PCDH9: variants seen among roughly 807,000 people sequenced by gnomAD.
The protein encoded by PCDH9 is protocadherin 9.
Under a neutral mutation model 70.6 loss-of-function variants are expected in PCDH9, and 24 were observed. The observed-to-expected ratio is 0.34, with a 90% CI of 0.25 to 0.48. The LOEUF is 0.48. Among genes scored for constraint, PCDH9 ranks in the 20% least tolerant of loss-of-function variants. The pLI is 0.99. For synonymous variants in PCDH9, 562 were observed against 558.5 expected (o/e 1.01, Z -0.09); for missense variants, 1,281 against 1,503.6 (o/e 0.85, Z 2.45).
chr13:66,564,888 AC>A (rs1274467347), intron 4 of PCDH9, among the ~76,000 whole-genome samples: 1 of 150,832 alleles, frequency 6.6e-6, no homozygotes, highest in African/African-American at 2.4e-5. Flanking sequence ...AATTTTTGAT[AC>A]CCTGAGGATT....
At chr13:67,214,965 T>C (rs2089565392) in intron 2 of PCDH9, 1 of 113,246 alleles carries the variant, frequency 8.8e-6, no homozygotes, top group Non-Finnish European at 1.9e-5. Context: ...TATATATATA[T>C]ATATATATTC....
chr13:66,437,412 A>G (rs890937558), intron 4 of PCDH9, among the ~76,000 whole-genome samples: 3 of 140,522 alleles, frequency 2.1e-5, no homozygotes, highest in African/African-American at 6.0e-5. Flanking sequence ...CTCAAAAAAA[A>G]AAAAAAAAAA....
Position 66,304,649 on chromosome 13 carries a change from C to A in PCDH9, c.*6G>T, listed in dbSNP as rs2138048949. On this transcript the variant is annotated 3_prime_UTR_variant, in exon 5 of 5. Coordinates refer to ENST00000377865, the MANE Select transcript of PCDH9 (RefSeq NM_203487.3). ...TTAAAGTTATTAGGTCCCATATAGC[C>A]TTTTCTTAGAGTTGGTGCTCCTTAG... 2 of 1,610,916 alleles carry A rather than the reference C, an allele frequency of 1.2e-6. No individual in the cohort carries two copies. Among genetic ancestry groups the A allele is most frequent in the Non-Finnish European group, 1.7e-6 (2 of 1,177,660 alleles).
chr13:66,453,040 A>C (rs1958244910), intron 4 of PCDH9, among the ~76,000 whole-genome samples: 1 of 152,180 alleles, frequency 6.6e-6, no homozygotes, highest in Admixed American at 6.6e-5. Context: ...GAATAGGTGC[A>C]CAGCACAGGA....
At chr13:66,629,419 G>A (rs779608556) in intron 4 of PCDH9, among the ~76,000 whole-genome samples, 1 of 152,178 alleles carries the variant, frequency 6.6e-6, no homozygotes, top group Non-Finnish European at 1.5e-5. Flanking sequence ...TGGAGACTAG[G>A]AAAACAGTTT....
chr13:66,972,120 G>A (rs946813516), intron 2 of PCDH9, among the ~76,000 whole-genome samples: 1 of 151,868 alleles, frequency 6.6e-6, no homozygotes, highest in African/African-American at 2.4e-5. Flanking sequence ...ATTCTAGAAA[G>A]CTCCACCTGA....
At chr13:66,577,144 GTTAT>G (rs1233033933) in intron 4 of PCDH9, among the ~76,000 whole-genome samples, 2 of 151,746 alleles carry the variant, frequency 1.3e-5, no homozygotes, top group Non-Finnish European at 1.5e-5. Flanking sequence ...AAGAATTATT[GTTAT>G]TTATTTTGTC....
At chr13:66,711,786 T>C (rs1197593058) in intron 3 of PCDH9, among the ~76,000 whole-genome samples, 1 of 152,202 alleles carries the variant, frequency 6.6e-6, no homozygotes, top group Non-Finnish European at 1.5e-5. Flanking sequence ...CTTTGGAGTC[T>C]GCTGTATGCT....
chr13:66,474,964 A>C (rs1403430336), intron 4 of PCDH9, among the ~76,000 whole-genome samples: 1 of 152,082 alleles, frequency 6.6e-6, no homozygotes, highest in African/African-American at 2.4e-5. Context: ...CTACAGCTGC[A>C]ATTTTCTCTA....
At chr13:66,810,092 A>G (rs1461476809) in intron 3 of PCDH9, among the ~76,000 whole-genome samples, 1 of 152,146 alleles carries the variant, frequency 6.6e-6, no homozygotes, top group East Asian at 1.9e-4. Flanking sequence ...TTTATTTGCT[A>G]TGTTTCTTAC....
At chr13:67,025,094 ATTCT>A (rs1294357631) in intron 2 of PCDH9, among the ~76,000 whole-genome samples, 6 of 152,150 alleles carry the variant, frequency 3.9e-5, no homozygotes, top group African/African-American at 9.6e-5. Flanking sequence ...GGAGCTACAC[ATTCT>A]TTGTCTCAGT....
intron 4 of PCDH9, among the ~76,000 whole-genome samples, chr13:66,327,784 A>G: frequency 6.6e-6 from 1 of 152,226 alleles, no homozygotes; most frequent in Non-Finnish European, 1.5e-5. Flanking sequence ...TAAATGTACT[A>G]GGTGAAAATT....
chr13:66,829,457 G>A (rs1301117328), intron 3 of PCDH9, among the ~76,000 whole-genome samples: 1 of 151,912 alleles, frequency 6.6e-6, no homozygotes, highest in East Asian at 1.9e-4. Flanking sequence ...ATTGGGAGAG[G>A]GGTTGACTAC....
At chr13:67,126,880 T>C (rs934290785) in intron 2 of PCDH9, among the ~76,000 whole-genome samples, 6 of 152,114 alleles carry the variant, frequency 3.9e-5, no homozygotes, top group Non-Finnish European at 7.4e-5. Context: ...GGGATGTCTA[T>C]AGGCAAAATT....
At chr13:66,621,699 A>C (rs2077423817) in intron 4 of PCDH9, among the ~76,000 whole-genome samples, 1 of 152,236 alleles carries the variant, frequency 6.6e-6, no homozygotes, top group Non-Finnish European at 1.5e-5. Flanking sequence ...AAGACAAACA[A>C]AAAACAAAGC....
chr13:67,214,948 A>ATATATATATATATATG lies in PCDH9; in HGVS notation c.3036+10456_3036+10457insCATATATATATATATA, dbSNP rs1427415888. 5 of 66,938 alleles carry ATATATATATATATATG rather than the reference A, an allele frequency of 7.5e-5. 1 individual carries two copies. Among genetic ancestry groups the ATATATATATATATATG allele is most frequent in the Admixed American group, 1.8e-4 (1 of 5,564 alleles). 4.1% of individuals were successfully genotyped at this position (66,938 alleles called of 1,614,324 possible). ...TATTGCGAGCCAGATATATATATAT[A>ATATATATATATATATG]TATATATATATATATATATATATAT... On this transcript the variant is annotated intron_variant, in intron 2 of 4. Transcript: ENST00000377865.
chr13:66,646,995 G>C (rs1359634592), intron 3 of PCDH9, among the ~76,000 whole-genome samples: 1 of 152,142 alleles, frequency 6.6e-6, no homozygotes, highest in Non-Finnish European at 1.5e-5. Context: ...AGTGCCCATG[G>C]AGAGAACATT....
intron 4 of PCDH9, among the ~76,000 whole-genome samples, chr13:66,389,832 A>T (rs1427001848): frequency 6.6e-6 from 1 of 152,198 alleles, no homozygotes; most frequent in Admixed American, 6.5e-5. Flanking sequence ...TATTCCAGAC[A>T]GTGATTTTGC....
chr13:67,128,063 T>G, intron 2 of PCDH9, among the ~76,000 whole-genome samples: 1 of 152,204 alleles, frequency 6.6e-6, no homozygotes, highest in East Asian at 1.9e-4. Context: ...ATGTGATACA[T>G]TAGTTAAATT....
Sources: allele counts gnomAD v4.1 joint callset (sites outside exome capture counted in the v4.1 genomes callset), GRCh38; gene constraint gnomAD v4.1.1; transcripts MANE v1.5; gene names NCBI Gene and HGNC (gene_info 2026-07-23, HGNC 2026-07-21).